The following PLCB4 variants were observed in gnomAD, a reference collection of about 807,000 sequenced individuals.
PLCB4 encodes the protein 1-phosphatidylinositol 4,5-bisphosphate phosphodiesterase beta-4.
In PLCB4, 77 loss-of-function variants were observed where a neutral mutation model predicts 178.8. The observed-to-expected ratio is 0.43, with a 90% CI of 0.36 to 0.52. PLCB4 has a LOEUF of 0.52. Ranked by LOEUF, PLCB4 falls within the 20% of genes least tolerant of loss-of-function variation. The pLI is 0.00. For missense variants in PLCB4, 1,024 were observed against 1,453.4 expected (o/e 0.70, Z 4.80); for synonymous variants, 496 against 490.8 (o/e 1.01, Z -0.14).
chr20:9,432,654 G>A (rs1304582878), intron 28 of PLCB4, among the ~76,000 whole-genome samples: 5 of 152,232 alleles, frequency 3.3e-5, no homozygotes, highest in African/African-American at 1.2e-4. Flanking sequence ...GGCACAAAGA[G>A]TTGTGCTAAA....
chr20:9,391,082 A>G (rs2038100785), intron 17 of PLCB4, among the ~76,000 whole-genome samples: 1 of 152,196 alleles, frequency 6.6e-6, no homozygotes, highest in Admixed American at 6.5e-5. Context: ...TGCTGTGGAA[A>G]GTGCCCTGGA....
At chr20:9,144,889 C>G (rs1351739737) in intron 2 of PLCB4, among the ~76,000 whole-genome samples, 1 of 152,076 alleles carries the variant, frequency 6.6e-6, no homozygotes, top group African/African-American at 2.4e-5. Context: ...TTGCCTAAGA[C>G]TTCTCCATGG....
At chr20:9,404,047 C>T (rs765582353) in intron 20 of PLCB4, among the ~76,000 whole-genome samples, 99 of 152,090 alleles carry the variant, frequency 6.5e-4, no homozygotes, top group Non-Finnish European at 1.2e-3. Context: ...GGACTGGTGG[C>T]CAAGGGCACC....
intron 39 of PLCB4, among the ~76,000 whole-genome samples, 192 bp downstream of exon 39, chr20:9,476,945 G>A (rs1265145390): frequency 6.6e-6 from 1 of 152,160 alleles, no homozygotes; most frequent in South Asian, 2.1e-4. Flanking sequence ...AGTCTTTAGA[G>A]AATTACTTCT....
At position 9,470,261 on chromosome 20, in the gene PLCB4, G is replaced by A. The variant is rs146198472; in HGVS notation, c.3350+1589G>A. ...CAGGAGAATTGCTTGAACCCCAGGG[G>A]CGGAGGTTGCAGTGAGCCGAGATCC... On this transcript the variant is annotated intron_variant, in intron 36 of 39. Transcript: ENST00000378473. 7.6e-3 allele frequency among the ~76,000 whole-genome samples: 1,162 copies of A among 152,042 alleles called. 16 individuals are homozygous for A. The highest frequency in any genetic ancestry group is 0.026 in the African/African-American group (1,098 of 41,482).
intron 2 of PLCB4, among the ~76,000 whole-genome samples, chr20:9,149,751 G>A (rs2092659761): frequency 6.6e-6 from 1 of 152,182 alleles, no homozygotes; most frequent in African/African-American, 2.4e-5. Flanking sequence ...AGTAATTTCA[G>A]TACCTAAGTT....
At chr20:9,278,960 C>T (rs1377385110) in intron 3 of PLCB4, among the ~76,000 whole-genome samples, 7 of 152,004 alleles carry the variant, frequency 4.6e-5, no homozygotes, top group Non-Finnish European at 7.4e-5. Context: ...ATGGAGTTCC[C>T]CACTGAGTTT....
intron 2 of PLCB4, among the ~76,000 whole-genome samples, chr20:9,203,777 G>GTTTTT (rs553691545): frequency 2.0e-5 from 2 of 101,704 alleles, no homozygotes; most frequent in East Asian, 3.5e-4. Context: ...TGGGAATAGT[G>GTTTTT]TTTTTTTTTT....
chr20:9,476,837 C>CA, intron 39 of PLCB4, 84 bp downstream of exon 39: 5 of 867,822 alleles, frequency 5.8e-6, no homozygotes, highest in Non-Finnish European at 9.7e-6. Context: ...ATTTATGAGT[C>CA]ACATCTGGTC....
At chr20:9,223,696 A>G (rs1226960657) in intron 3 of PLCB4, among the ~76,000 whole-genome samples, 2 of 152,226 alleles carry the variant, frequency 1.3e-5, no homozygotes, top group African/African-American at 4.8e-5. Flanking sequence ...AGGTGGAAGC[A>G]GCATTGCTTT....
intron 2 of PLCB4, among the ~76,000 whole-genome samples, chr20:9,202,154 A>G (rs924538152): frequency 6.6e-6 from 1 of 152,204 alleles, no homozygotes; most frequent in Non-Finnish European, 1.5e-5. Flanking sequence ...GCTACATACT[A>G]TATGATTCCA....
chr20:9,280,413 T>C, intron 3 of PLCB4: 4 of 976,448 alleles, frequency 4.1e-6, no homozygotes, highest in Non-Finnish European at 4.9e-6. Flanking sequence ...GACAAAGATA[T>C]TGTGTTCTCC....
rs376769927 is a variant in PLCB4, at chr20:9,393,538, A to G, written c.1324-50A>G. On this transcript the variant is annotated intron_variant, in intron 17 of 39. Transcript: ENST00000378473. The stretch of plus-strand genomic sequence containing the variant: ...GGCTCCTCCTGGACTGGGAAGGAGA[A>G]TGGAGAAGCACAGCCCTTCCTTAAT... 5 of 1,248,452 alleles carry G rather than the reference A, an allele frequency of 4.0e-6. No homozygotes were observed. In the Admixed American group the frequency reaches 8.7e-5, roughly 22 times the overall value. The allele number at this position is 1,248,452 out of a possible 1,614,324, so 77.3% of individuals were successfully genotyped here. A position where few individuals can be genotyped will look rare whatever the true frequency, so the allele number is the denominator to read the frequency against.
At chr20:9,198,138 C>CA (rs2093496250) in intron 2 of PLCB4, among the ~76,000 whole-genome samples, 1 of 152,022 alleles carries the variant, frequency 6.6e-6, no homozygotes, top group South Asian at 2.1e-4. Context: ...GGTGTAGTCT[C>CA]AGAGATATAA....
chr20:9,099,791 T>A (rs1378135025), intron 2 of PLCB4, among the ~76,000 whole-genome samples: 1 of 152,056 alleles, frequency 6.6e-6, no homozygotes, highest in East Asian at 1.9e-4. Flanking sequence ...AAAAGAAAAT[T>A]GTTTCCCCAT....
intron 2 of PLCB4, among the ~76,000 whole-genome samples, chr20:9,125,937 A>G (rs1309742784): frequency 6.6e-6 from 1 of 152,138 alleles, no homozygotes; most frequent in South Asian, 2.1e-4. Flanking sequence ...GCATTAACCT[A>G]AGGTCACTAT....
intron 7 of PLCB4, among the ~76,000 whole-genome samples, chr20:9,358,713 G>A (rs2035055771): frequency 6.6e-6 from 1 of 151,998 alleles, no homozygotes; most frequent in East Asian, 1.9e-4. Context: ...GGCCGACATG[G>A]TCAAACCCCC....
At chr20:9,301,078 T>A (rs1214905123) in intron 3 of PLCB4, among the ~76,000 whole-genome samples, 1 of 151,332 alleles carries the variant, frequency 6.6e-6, no homozygotes, top group East Asian at 2.0e-4. Context: ...GTAGTCGCAT[T>A]TCCTCCTCCT....
At chr20:9,080,505 T>G (rs1160022633) in intron 1 of PLCB4, among the ~76,000 whole-genome samples, 1 of 152,198 alleles carries the variant, frequency 6.6e-6, no homozygotes, top group Non-Finnish European at 1.5e-5. Flanking sequence ...AATTCATTTT[T>G]GCTTTTACCC....
Sources: allele counts gnomAD v4.1 joint callset (sites outside exome capture counted in the v4.1 genomes callset), GRCh38; gene constraint gnomAD v4.1.1; transcripts MANE v1.5; gene names NCBI Gene and HGNC (gene_info 2026-07-23, HGNC 2026-07-21).